MRTFB: variants seen among roughly 807,000 people sequenced by gnomAD.
MRTFB encodes the protein myocardin related transcription factor B, also known as myocardin-related transcription factor B.
Under a neutral mutation model 104.2 loss-of-function variants are expected in MRTFB, and 29 were observed. The ratio of observed to expected loss-of-function variants is 0.28; its 90% CI spans 0.21 to 0.38. The LOEUF is 0.38. MRTFB is among the 10% of genes least tolerant of loss of function. MRTFB has a pLI of 1.00. For synonymous variants in MRTFB, 535 were observed against 519.5 expected, an observed-to-expected ratio of 1.03 and a Z score of -0.41; for missense variants, 1,270 against 1,341.6, an observed-to-expected ratio of 0.95 and a Z score of 0.83.
chr16:14,179,153 A>G (rs1380358810), intron 3 of MRTFB, among the ~76,000 whole-genome samples: 2 of 152,250 alleles, frequency 1.3e-5, no homozygotes, highest in African/African-American at 2.4e-5. Flanking sequence ...AACACTTTGC[A>G]TATTAATTAT....
chr16:14,111,803 C>A lies in MRTFB; in HGVS notation c.-63-28741C>A, dbSNP rs529955381. On this transcript the variant is annotated intron_variant, in intron 2 of 16. Coordinates refer to ENST00000571589, the MANE Select transcript of MRTFB (RefSeq NM_001308142.2). ...TCGGTCCTCTGGCGCCTCTTTCTAC[C>A]TTTCACCCTCAATTGATGGCTTTGC... Among the ~76,000 whole-genome samples, 161 of 152,268 alleles carry A rather than the reference C, an allele frequency of 1.1e-3. 3 individuals carry two copies. The South Asian group carries it at 0.023, about 21-fold the overall frequency.
At chr16:14,003,644 C>CCTGCCTGCCTG in the MRTFB span, among the ~76,000 whole-genome samples, 46 of 10,522 alleles carry the variant, frequency 4.4e-3, no homozygotes, top group Non-Finnish European at 5.9e-3. Context: ...CTGCCTGCCT[C>CCTGCCTGCCTG]CCTCCCTCCC....
chr16:14,153,885 A>G (rs1424243423), intron 3 of MRTFB, among the ~76,000 whole-genome samples: 1 of 152,190 alleles, frequency 6.6e-6, no homozygotes, highest in Non-Finnish European at 1.5e-5. Flanking sequence ...ATTAGAGAGT[A>G]ATGTTGAAAA....
intron 3 of MRTFB, among the ~76,000 whole-genome samples, chr16:14,199,471 C>T (rs570244356): frequency 6.6e-6 from 1 of 152,306 alleles, no homozygotes; most frequent in South Asian, 2.1e-4. Context: ...GCCATTTTAA[C>T]ATCTCCACTT....
At chr16:14,086,038 A>T (rs2034686183) in intron 2 of MRTFB, among the ~76,000 whole-genome samples, 1 of 152,210 alleles carries the variant, frequency 6.6e-6, no homozygotes. Context: ...TAGTTATGTT[A>T]TTTGAAGACA....
intron 10 of MRTFB, chr16:14,241,060 C>T (rs30151): frequency 8.9e-6 from 4 of 448,522 alleles, no homozygotes; most frequent in Non-Finnish European, 1.2e-5. Context: ...AGACAAAAAT[C>T]GAGTACAGCC....
intron 8 of MRTFB, among the ~76,000 whole-genome samples, chr16:14,227,647 G>A (rs1302019332): frequency 6.6e-6 from 1 of 152,030 alleles, no homozygotes; most frequent in Non-Finnish European, 1.5e-5. Flanking sequence ...GAGTAGCTGG[G>A]ATTACAGGCA....
chr16:14,071,534 C>G (rs575870690), intron 1 of MRTFB, among the ~76,000 whole-genome samples, 169 bp downstream of exon 1: 1 of 151,438 alleles, frequency 6.6e-6, no homozygotes, highest in East Asian at 2.0e-4. Flanking sequence ...GTCCCCGGGA[C>G]TCGCGCGGGG....
At chr16:14,198,290 G>T (rs1373502250) in intron 3 of MRTFB, among the ~76,000 whole-genome samples, 1 of 152,206 alleles carries the variant, frequency 6.6e-6, no homozygotes, top group Non-Finnish European at 1.5e-5. Context: ...CTATGGACAT[G>T]TGTGTACATG....
the MRTFB span, among the ~76,000 whole-genome samples, chr16:14,003,265 T>C: frequency 2.6e-5 from 4 of 152,060 alleles, no homozygotes; most frequent in African/African-American, 9.7e-5. Context: ...GAGTTTTTTG[T>C]TTCTTTCTTT....
chr16:14,223,343 C>T (rs1246419489), intron 8 of MRTFB, among the ~76,000 whole-genome samples: 1 of 151,898 alleles, frequency 6.6e-6, no homozygotes, highest in Non-Finnish European at 1.5e-5. Context: ...AAAATATGAC[C>T]ATTCAGGGAA....
intron 3 of MRTFB, among the ~76,000 whole-genome samples, chr16:14,192,644 G>C (rs1291718910): frequency 6.6e-6 from 1 of 152,140 alleles, no homozygotes; most frequent in Non-Finnish European, 1.5e-5. Flanking sequence ...AATGATAGTA[G>C]AAGTTAAAAC....
chr16:14,055,969 TATTA>T, the MRTFB span, among the ~76,000 whole-genome samples: 36 of 152,098 alleles, frequency 2.4e-4, no homozygotes, highest in Non-Finnish European at 4.3e-4. Flanking sequence ...CTTCTACATT[TATTA>T]ATTGTTTTGT....
rs1264365356 is a variant in MRTFB at position 14,260,913 on chromosome 16, C to G, written c.2769C>G (p.Ile923Met). The change falls in exon 17 of 17, where the codon ATC (isoleucine) becomes ATG (methionine). Residue 923 changes from isoleucine to methionine, a missense_variant. Coordinates refer to ENST00000571589, the MANE Select transcript of MRTFB (RefSeq NM_001308142.2). ...LFDILIKSGE[I>M]SLPIKEEPSP... ...TACTTCATTTATTTTACACAGAGAT[C>G]TCCCTCCCCATAAAAGAAGAACCTT... 1.8e-5 allele frequency: 28 copies of G among 1,597,160 alleles called. No homozygotes were observed. Among genetic ancestry groups the G allele is most frequent in the Middle Eastern group, 1.7e-4 (1 of 5,988 alleles).
upstream of MRTFB, among the ~76,000 whole-genome samples, chr16:14,067,697 G>A (rs2033538365): frequency 6.6e-6 from 1 of 152,182 alleles, no homozygotes; most frequent in African/African-American, 2.4e-5. Flanking sequence ...TCAGGAAACT[G>A]GGAAGAGATT....
At chr16:14,245,053 C>T (rs751935204) in intron 10 of MRTFB, among the ~76,000 whole-genome samples, 16 of 152,132 alleles carry the variant, frequency 1.1e-4, no homozygotes, top group Non-Finnish European at 2.2e-4. Context: ...GAATTTCCAA[C>T]GTAGCATGGC....
intron 6 of MRTFB, among the ~76,000 whole-genome samples, chr16:14,216,903 T>G (rs1232113407): frequency 6.6e-6 from 1 of 152,240 alleles, no homozygotes; most frequent in African/African-American, 2.4e-5. Context: ...AATTTGAGTC[T>G]GTGGGCATCC....
intron 3 of MRTFB, chr16:14,200,855 A>G: frequency 1.4e-6 from 2 of 1,458,636 alleles, no homozygotes; most frequent in Admixed American, 3.4e-5. Context: ...CAAGGTGCCA[A>G]CCTGTATGGT....
intron 2 of MRTFB, among the ~76,000 whole-genome samples, chr16:14,086,894 T>C (rs1288123677): frequency 6.6e-6 from 1 of 152,216 alleles, no homozygotes; most frequent in Non-Finnish European, 1.5e-5. Flanking sequence ...TTTCAGCATC[T>C]TTAATGACTT....
Sources: allele counts gnomAD v4.1 joint callset (sites outside exome capture counted in the v4.1 genomes callset), GRCh38; gene constraint gnomAD v4.1.1; transcripts MANE v1.5; gene names NCBI Gene and HGNC (gene_info 2026-07-23, HGNC 2026-07-21).